NPSR1: variants seen among roughly 807,000 people sequenced by gnomAD.
NPSR1 encodes neuropeptide S receptor 1, also known as neuropeptide S receptor.
Under a neutral mutation model 46.9 loss-of-function variants are expected in NPSR1, and 48 were observed. That is an observed-to-expected ratio of 1.02 (90% CI 0.81 to 1.30). The LOEUF is 1.30. Ranked by LOEUF, NPSR1 falls within the 50% of genes most tolerant of loss-of-function variation. The pLI is 0.00. For missense variants in NPSR1, 450 were observed against 449.5 expected (o/e 1.00, Z -0.01); for synonymous variants, 176 against 168.1 (o/e 1.05, Z -0.36).
chr7:34,832,566 A>G (rs1790169835), intron 5 of NPSR1, among the ~76,000 whole-genome samples: 1 of 152,158 alleles, frequency 6.6e-6, no homozygotes, highest in Admixed American at 6.5e-5. Context: ...ATGCTTGATC[A>G]CTAAGCTCCA....
At chr7:34,787,917 A>G (rs1293102727) in intron 3 of NPSR1, among the ~76,000 whole-genome samples, 1 of 152,100 alleles carries the variant, frequency 6.6e-6, no homozygotes, top group Non-Finnish European at 1.5e-5. Context: ...GAAAAAGCTC[A>G]AAATAACCAA....
intron 3 of NPSR1, among the ~76,000 whole-genome samples, chr7:34,801,703 T>G (rs1788423923): frequency 6.8e-6 from 1 of 147,156 alleles, no homozygotes; most frequent in Non-Finnish European, 1.5e-5. Context: ...AACATAGTGT[T>G]GGAAGTTCTG....
chr7:34,833,498 T>C (rs530196626), intron 5 of NPSR1, among the ~76,000 whole-genome samples: 1 of 152,344 alleles, frequency 6.6e-6, no homozygotes, highest in Admixed American at 6.5e-5. Flanking sequence ...TTAAATATTG[T>C]CACATCTGAT....
chr7:34,831,854 A>G (rs924065790), intron 5 of NPSR1, among the ~76,000 whole-genome samples: 5 of 152,234 alleles, frequency 3.3e-5, no homozygotes, highest in African/African-American at 9.6e-5. Flanking sequence ...ATTGCAAAAA[A>G]AAAAAGTGGA....
At chr7:34,845,454 T>C in intron 7 of NPSR1, 1 of 387,228 alleles carries the variant, frequency 2.6e-6, no homozygotes, top group Non-Finnish European at 5.0e-6. Flanking sequence ...TCCTTTTCCT[T>C]TCTCTCTACT....
At chr7:34,777,488 T>G (rs1030391364) in intron 2 of NPSR1, among the ~76,000 whole-genome samples, 1 of 152,004 alleles carries the variant, frequency 6.6e-6, no homozygotes. Flanking sequence ...AAAACTGTTT[T>G]TTTTTTTTTT....
At position 34,835,055 on chromosome 7, in the gene NPSR1, C is replaced by A. The variant is rs189534177; in HGVS notation, c.757+595C>A. Among the ~76,000 whole-genome samples, 8 of 152,182 alleles carry A rather than the reference C, an allele frequency of 5.3e-5. 1 individual carries two copies. Among genetic ancestry groups the A allele is most frequent in the South Asian group, 2.1e-4 (1 of 4,826 alleles). ...CCTCTCGTATGCAATAGACTCTGAGCCCTGGAAGCCTACCCTGCTTCCCAG... is the reference window on the plus strand; with the variant it reads ...CCTCTCGTATGCAATAGACTCTGAGACCTGGAAGCCTACCCTGCTTCCCAG... On this transcript the variant is annotated intron_variant, in intron 6 of 8. Transcript: ENST00000360581.
intron 3 of NPSR1, among the ~76,000 whole-genome samples, chr7:34,802,422 A>T (rs1365136233): frequency 6.7e-6 from 1 of 150,148 alleles, no homozygotes; most frequent in African/African-American, 2.5e-5. Context: ...CATATCTACA[A>T]CTATCTGATC....
At chr7:34,727,922 T>C (rs952653503) in intron 2 of NPSR1, among the ~76,000 whole-genome samples, 3 of 152,128 alleles carry the variant, frequency 2.0e-5, no homozygotes, top group African/African-American at 7.2e-5. Context: ...GAAATGATTT[T>C]TTAAAAATCC....
intron 6 of NPSR1, among the ~76,000 whole-genome samples, chr7:34,836,941 T>C (rs1790397925): frequency 6.6e-6 from 1 of 152,100 alleles, no homozygotes; most frequent in African/African-American, 2.4e-5. Flanking sequence ...ATTTCTCCAA[T>C]ATAGTACATT....
intron 8 of NPSR1, among the ~76,000 whole-genome samples, chr7:34,865,474 C>G (rs1409167006): frequency 6.6e-6 from 1 of 151,760 alleles, no homozygotes; most frequent in South Asian, 2.1e-4. Flanking sequence ...GCGACTTAAG[C>G]CCCTCTTTCT....
intron 2 of NPSR1, among the ~76,000 whole-genome samples, chr7:34,766,657 C>T (rs1001517682): frequency 1.3e-5 from 2 of 152,008 alleles, no homozygotes; most frequent in Non-Finnish European, 2.9e-5. Flanking sequence ...ACTGCAAGCT[C>T]CGCCTCCTGG....
At chr7:34,759,663 G>A (rs768975805) in intron 2 of NPSR1, among the ~76,000 whole-genome samples, 4 of 152,092 alleles carry the variant, frequency 2.6e-5, no homozygotes, top group East Asian at 1.9e-4. Context: ...TAATCATGGC[G>A]GGTATAAACT....
At chr7:34,773,296 C>A (rs1373783759) in intron 2 of NPSR1, among the ~76,000 whole-genome samples, 2 of 152,098 alleles carry the variant, frequency 1.3e-5, no homozygotes, top group African/African-American at 4.8e-5. Context: ...TTCTAGGGCT[C>A]TAAAAGTACA....
chr7:34,848,876 A>T (rs1584140922), intron 8 of NPSR1, among the ~76,000 whole-genome samples: 2 of 151,990 alleles, frequency 1.3e-5, no homozygotes, highest in Admixed American at 6.6e-5. Context: ...ATACCACAAC[A>T]CCTCCTATAG....
At chr7:34,722,945 C>T (rs17198065) in intron 2 of NPSR1, among the ~76,000 whole-genome samples, 19,105 of 152,128 alleles carry the variant, frequency 0.13, 1,468 homozygotes, top group Non-Finnish European at 0.17. Flanking sequence ...CCATTTTAGC[C>T]TGAAGTGAGT....
chr7:34,668,669 C>T (rs550779232), intron 1 of NPSR1, among the ~76,000 whole-genome samples: 3 of 152,256 alleles, frequency 2.0e-5, no homozygotes, highest in East Asian at 1.9e-4. Flanking sequence ...AGGGTGACTC[C>T]GTGTATTGTA....
chr7:34,839,482 C>T (rs1382777372), intron 6 of NPSR1, among the ~76,000 whole-genome samples: 1 of 152,090 alleles, frequency 6.6e-6, no homozygotes, highest in Non-Finnish European at 1.5e-5. Flanking sequence ...AAATGGAAAC[C>T]TCAGTTTCCT....
intron 2 of NPSR1, among the ~76,000 whole-genome samples, chr7:34,696,180 C>G (rs533320484): frequency 8.6e-5 from 13 of 150,756 alleles, no homozygotes; most frequent in African/African-American, 3.2e-4. Context: ...ATAGATAAAG[C>G]TAGAAGCCAT....
Sources: gnomAD v4.1 joint callset for allele counts (sites outside exome capture counted in the v4.1 genomes callset) on GRCh38, gnomAD v4.1.1 for gene constraint, MANE v1.5 for transcripts, NCBI Gene and HGNC (gene_info 2026-07-23, HGNC 2026-07-21) for gene names.